QTGAL: variants seen among roughly 807,000 people sequenced by gnomAD.
QTGAL encodes queuosine-tRNA galactosyltransferase, also known as BGnT-like protein 1.
the QTGAL span, among the ~76,000 whole-genome samples, chr17:83,046,396 C>T: frequency 1.1e-4 from 17 of 152,324 alleles, no homozygotes; most frequent in East Asian, 1.9e-3. Flanking sequence ...CTCGGCCTCC[C>T]GAAGTGCCGG....
At chr17:83,026,467 C>T in the QTGAL span, among the ~76,000 whole-genome samples, 3,858 of 152,380 alleles carry the variant, frequency 0.025, 168 homozygotes, top group African/African-American at 0.088. Flanking sequence ...CCGCAGAGGA[C>T]AGATACACAG....
At chr17:82,964,395 A>G in the QTGAL span, among the ~76,000 whole-genome samples, 1 of 152,180 alleles carries the variant, frequency 6.6e-6, no homozygotes, top group African/African-American at 2.4e-5. Flanking sequence ...TAATGAAAGA[A>G]GTGAAAAGGG....
chr17:82,992,473 C>A, the QTGAL span, among the ~76,000 whole-genome samples: 1 of 152,102 alleles, frequency 6.6e-6, no homozygotes, highest in Admixed American at 6.6e-5. Flanking sequence ...ATGAAAATAT[C>A]CTTCAAACAT....
the QTGAL span, among the ~76,000 whole-genome samples, chr17:83,000,362 T>C: frequency 1.3e-5 from 2 of 152,200 alleles, no homozygotes; most frequent in Non-Finnish European, 2.9e-5. Flanking sequence ...TCACAGCACC[T>C]GAGCTCGCGG....
chr17:82,946,522 A>T, the QTGAL span, among the ~76,000 whole-genome samples: 4 of 145,888 alleles, frequency 2.7e-5, no homozygotes, highest in Non-Finnish European at 6.1e-5. Context: ...GTCATAAGGC[A>T]CGGTTGAAGG....
At chr17:82,984,245 C>T in the QTGAL span, among the ~76,000 whole-genome samples, 12 of 55,722 alleles carry the variant, frequency 2.2e-4, no homozygotes, top group African/African-American at 3.7e-4. Context: ...CACGTGAGCA[C>T]ACAGGAGGCC....
the QTGAL span, chr17:82,957,391 A>G: frequency 6.2e-7 from 1 of 1,613,266 alleles, no homozygotes; most frequent in Non-Finnish European, 8.5e-7. Context: ...AAGCTGCGGT[A>G]CAGCCGGCGC....
At chr17:82,999,766 C>A in the QTGAL span, among the ~76,000 whole-genome samples, 2 of 152,118 alleles carry the variant, frequency 1.3e-5, no homozygotes, top group Non-Finnish European at 2.9e-5. Context: ...CCTCAGTCTA[C>A]AGTACATAGC....
chr17:82,949,291 T>C, the QTGAL span: 2 of 152,362 alleles, frequency 1.3e-5, no homozygotes, highest in Admixed American at 1.3e-4. Context: ...ATACAAATAC[T>C]GCAGCAGCAT....
At chr17:82,982,694 C>G in the QTGAL span, among the ~76,000 whole-genome samples, 1 of 152,290 alleles carries the variant, frequency 6.6e-6, no homozygotes, top group East Asian at 1.9e-4. Flanking sequence ...TATTTTTGTC[C>G]TAGCAGCCTG....
chr17:83,037,329 C>A, the QTGAL span, among the ~76,000 whole-genome samples: 1 of 152,196 alleles, frequency 6.6e-6, no homozygotes, highest in Admixed American at 6.5e-5. This position sits in a 1 kb window ranked among gnomAD's most constrained non-coding sequence, Gnocchi z 5.2. Flanking sequence ...CGCACAGAAG[C>A]GAGACGCACA....
At chr17:82,957,132 C>A in the QTGAL span, 1 of 1,609,304 alleles carries the variant, frequency 6.2e-7, no homozygotes, top group South Asian at 1.1e-5. Context: ...TCCCTCAGCC[C>A]CGGAGCAGGT....
At chr17:82,996,542 A>G in the QTGAL span, among the ~76,000 whole-genome samples, 3 of 151,202 alleles carry the variant, frequency 2.0e-5, no homozygotes, top group African/African-American at 7.3e-5. Context: ...AAAAAAATAG[A>G]AAACACAACC....
chr17:83,048,656 A>C, the QTGAL span: 1 of 1,610,668 alleles, frequency 6.2e-7, no homozygotes. Flanking sequence ...CCCGACAGGA[A>C]GTTCCTACAA....
the QTGAL span, among the ~76,000 whole-genome samples, chr17:83,039,255 CGCCCGCCCCTGTTCT>C: frequency 7.1e-6 from 1 of 140,168 alleles, no homozygotes; most frequent in Non-Finnish European, 1.6e-5. Context: ...GGGCGCCCGC[CGCCCGCCCCTGTTCT>C]AGACACACTG....
At chr17:83,006,149 C>T in the QTGAL span, 1 of 987,250 alleles carries the variant, frequency 1.0e-6, no homozygotes, top group Non-Finnish European at 1.2e-6. The surrounding 1 kb of genome is among the most constrained non-coding windows in gnomAD (Gnocchi z 5.8). Flanking sequence ...CCGTCTCACC[C>T]AAGACCAACA....
At chr17:83,035,155 C>T in the QTGAL span, 2 of 1,415,754 alleles carry the variant, frequency 1.4e-6, no homozygotes, top group Admixed American at 1.9e-5. Context: ...GCAGCATTCT[C>T]TTTCATAGAG....
chr17:83,021,099 G>A, the QTGAL span, among the ~76,000 whole-genome samples: 1 of 152,028 alleles, frequency 6.6e-6, no homozygotes, highest in Non-Finnish European at 1.5e-5. Flanking sequence ...TCTGTGTTTT[G>A]TGCTCTTCTC....
At chr17:82,946,959 C>T in the QTGAL span, 1 of 1,568,206 alleles carries the variant, frequency 6.4e-7, no homozygotes, top group Non-Finnish European at 8.7e-7. Context: ...CTCAGGTTGT[C>T]CTCAAAGGCG....
Sources: gnomAD v4.1 joint callset for allele counts (sites outside exome capture counted in the v4.1 genomes callset) on GRCh38, gnomAD v4.1.1 for gene constraint, Gnocchi (gnomAD v3.1) non-coding constraint, MANE v1.5 for transcripts, NCBI Gene and HGNC (gene_info 2026-07-23, HGNC 2026-07-21) for gene names.